EDNRA: variants seen among roughly 807,000 people sequenced by gnomAD.
EDNRA encodes the protein endothelin receptor type A.
EDNRA carries 11 observed loss-of-function variants against 41.4 expected under a neutral mutation model. That is an observed-to-expected ratio of 0.27 (90% confidence interval 0.17 to 0.44). The LOEUF (loss-of-function observed/expected upper bound fraction) is 0.44, where lower values mean the gene tolerates loss of function less well. Among genes scored for constraint, EDNRA ranks in the 20% least tolerant of loss-of-function variants. The pLI is 1.00. For synonymous variants in EDNRA, 172 were observed against 183.0 expected (o/e 0.94, Z 0.49); for missense variants, 294 against 531.0 (o/e 0.55, Z 4.39).
At chr4:147,516,952 A>T (rs1730135885) in intron 2 of EDNRA, among the ~76,000 whole-genome samples, 1 of 151,922 alleles carries the variant, frequency 6.6e-6, no homozygotes, top group Admixed American at 6.6e-5. Flanking sequence ...TGGAGTACTA[A>T]AAGATATTAT....
chr4:147,531,977 T>G (rs1211284095), intron 3 of EDNRA, among the ~76,000 whole-genome samples: 35 of 139,646 alleles, frequency 2.5e-4, no homozygotes, highest in Non-Finnish European at 5.3e-4. Flanking sequence ...GCCGCTGAAC[T>G]CCAGCCTGGC....
chr4:147,503,570 AACCACCTC>A (rs1729587144), intron 2 of EDNRA, among the ~76,000 whole-genome samples: 1 of 152,244 alleles, frequency 6.6e-6, no homozygotes, highest in South Asian at 2.1e-4. Context: ...TAGAAATTGC[AACCACCTC>A]TTTCAAAAAA....
intron 2 of EDNRA, among the ~76,000 whole-genome samples, chr4:147,515,744 T>C (rs1730092672): frequency 6.6e-6 from 1 of 152,208 alleles, no homozygotes; most frequent in African/African-American, 2.4e-5. Context: ...AACAGATATG[T>C]TCCCCATACT....
chr4:147,505,386 C>CTGGA (rs1010016850), intron 2 of EDNRA, among the ~76,000 whole-genome samples: 1 of 123,036 alleles, frequency 8.1e-6, no homozygotes, highest in Non-Finnish European at 1.6e-5. Flanking sequence ...GTTGCCCAGG[C>CTGGA]TGGAGTGCAA....
In EDNRA at chr4:147,542,790, A is replaced by G. The variant is rs1311792369; in HGVS notation, c.*172A>G. On this transcript the variant is annotated 3_prime_UTR_variant, in exon 8 of 8. Transcript: ENST00000651419. ...GGGTAGACTGGTTTATCCACCCACA[A>G]CATCTACGAATCGTACTTCTTTAAT... 1.4e-6 allele frequency: 1 copy of G among 707,352 alleles called. No homozygotes were observed. The highest frequency in any genetic ancestry group is 3.1e-5 in the Admixed American group (1 of 31,862). The allele number at this position is 707,352 out of a possible 1,614,324, so 43.8% of individuals were successfully genotyped here.
Position 147,519,740 on chromosome 4 carries a change from A to G in EDNRA, c.421-111A>G, listed in dbSNP as rs1046276093. Reference sequence around the variant, plus strand: ...TACTCTTTTGCTACAGTGCTAACTGAAAAGCACTGTGAATAAAATTTAGAA... The same window carrying G: ...TACTCTTTTGCTACAGTGCTAACTGGAAAGCACTGTGAATAAAATTTAGAA... On this transcript the variant is annotated intron_variant, in intron 2 of 7. Coordinates refer to ENST00000651419, the MANE Select transcript of EDNRA (RefSeq NM_001957.4). This position sits in a 1 kb window ranked among gnomAD's most constrained non-coding sequence, Gnocchi z 4.1. 11 of 1,321,402 alleles carry G rather than the reference A, an allele frequency of 8.3e-6. No individual in the cohort carries two copies. In the Admixed American group the frequency reaches 1.9e-4, roughly 23 times the overall value. 81.9% of individuals were successfully genotyped at this position (1,321,402 alleles called of 1,614,324 possible).
intron 1 of EDNRA, among the ~76,000 whole-genome samples, chr4:147,483,238 A>AGT (rs1206718887): frequency 6.6e-6 from 1 of 152,236 alleles, no homozygotes; most frequent in Non-Finnish European, 1.5e-5. Flanking sequence ...GCTGACAAAT[A>AGT]CATGGCCTGC....
intron 1 of EDNRA, 73 bp from the exon 2 acceptor site, chr4:147,485,539 A>G (rs1728914510): frequency 2.3e-6 from 2 of 879,218 alleles, no homozygotes; most frequent in East Asian, 2.6e-5. Context: ...AATTGAATCA[A>G]TAAATAATCA....
chr4:147,525,198 C>G (rs1730491971), intron 3 of EDNRA, among the ~76,000 whole-genome samples: 1 of 152,204 alleles, frequency 6.6e-6, no homozygotes, highest in Non-Finnish European at 1.5e-5. Flanking sequence ...AAGAAAATAT[C>G]TAGCTTTCTC....
intron 2 of EDNRA, among the ~76,000 whole-genome samples, chr4:147,497,254 C>T (rs1729337058): frequency 2.0e-5 from 3 of 149,874 alleles, no homozygotes; most frequent in East Asian, 3.9e-4. Flanking sequence ...ATCTCAGCCT[C>T]CCAAATTGCT....
intron 3 of EDNRA, among the ~76,000 whole-genome samples, chr4:147,530,384 T>C (rs1730704436): frequency 6.6e-6 from 1 of 152,100 alleles, no homozygotes; most frequent in Admixed American, 6.6e-5. Context: ...CAAAGAAAAA[T>C]AAACAATGAT....
At chr4:147,504,511 G>A (rs978654125) in intron 2 of EDNRA, among the ~76,000 whole-genome samples, 4 of 152,034 alleles carry the variant, frequency 2.6e-5, no homozygotes, top group African/African-American at 4.8e-5. Flanking sequence ...ATGTACCTAA[G>A]CTCAAGATAT....
intron 2 of EDNRA, chr4:147,493,957 G>A (rs1323348148): frequency 1.3e-5 from 2 of 152,114 alleles, no homozygotes; most frequent in African/African-American, 4.8e-5. Context: ...CACATTTAGA[G>A]GTCGCTTCTC....
chr4:147,537,611 A>AAAAT (rs79936346), intron 5 of EDNRA, among the ~76,000 whole-genome samples: 1 of 151,716 alleles, frequency 6.6e-6, no homozygotes, highest in Admixed American at 6.6e-5. Context: ...AATTGTGGAA[A>AAAAT]GAAATAATTG....
chr4:147,532,274 C>T (rs1208624578), intron 3 of EDNRA, among the ~76,000 whole-genome samples: 3 of 137,644 alleles, frequency 2.2e-5, no homozygotes, highest in Non-Finnish European at 3.1e-5. Flanking sequence ...TGCAGTGAGC[C>T]GAGATGGTGC....
At chr4:147,506,054 A>G (rs770737695) in intron 2 of EDNRA, 2 of 486,486 alleles carry the variant, frequency 4.1e-6, no homozygotes, top group Non-Finnish European at 8.1e-6. Context: ...AAAAACCTGT[A>G]CATTGCTCTT....
At position 147,532,708 on chromosome 4, in the gene EDNRA, C is replaced by T. The variant is rs1186086756; in HGVS notation, c.747+4C>T. The T allele has an allele frequency of 1.2e-6, 2 of 1,613,700 alleles. No homozygotes were observed. The highest frequency in any genetic ancestry group is 1.7e-6 in the Non-Finnish European group (2 of 1,179,876). The stretch of plus-strand genomic sequence containing the variant: ...TGCCACATCAAAATTCATGGAGGTA[C>T]TAAACGTTTAAAAGGAATTAACTGG... On this transcript the variant is annotated splice_donor_region_variant and intron_variant, in intron 4 of 7. Transcript: ENST00000651419.
intron 2 of EDNRA, chr4:147,493,564 C>T (rs1008133459): frequency 1.3e-5 from 2 of 152,138 alleles, no homozygotes; most frequent in African/African-American, 2.4e-5. Flanking sequence ...CTACAACTGC[C>T]TTCTGGATCT....
intron 2 of EDNRA, among the ~76,000 whole-genome samples, chr4:147,497,721 G>C (rs754744192): frequency 6.6e-6 from 1 of 152,010 alleles, no homozygotes; most frequent in Non-Finnish European, 1.5e-5. Context: ...ACAGGTGCCC[G>C]CCACCAAGCC....
Sources: gnomAD v4.1 joint callset for allele counts (sites outside exome capture counted in the v4.1 genomes callset) on GRCh38, gnomAD v4.1.1 for gene constraint, Gnocchi (gnomAD v3.1) non-coding constraint, MANE v1.5 for transcripts, NCBI Gene and HGNC (gene_info 2026-07-23, HGNC 2026-07-21) for gene names.